Variants in FKTN observed in about 807,000 individuals in gnomAD.
FKTN encodes fukutin, also known as ribitol-5-phosphate transferase FKTN.
Under a neutral mutation model 58.6 loss-of-function variants are expected in FKTN, and 47 were observed. That is an observed-to-expected ratio of 0.80 (90% CI 0.63 to 1.02). The LOEUF is 1.02. Ranked by LOEUF, FKTN falls within the 50% of genes least tolerant of loss-of-function variation. The pLI is 0.00. For synonymous variants in FKTN, 178 were observed against 191.9 expected (o/e 0.93, Z 0.60); for missense variants, 516 against 537.3 (o/e 0.96, Z 0.39).
intron 1 of FKTN, among the ~76,000 whole-genome samples, chr9:105,572,787 C>A (rs1413272125): frequency 6.6e-6 from 1 of 152,218 alleles, no homozygotes; most frequent in Non-Finnish European, 1.5e-5. Flanking sequence ...CCCACTTGTT[C>A]TCATACACAT....
At chr9:105,568,893 T>C (rs1840206644) in intron 1 of FKTN, among the ~76,000 whole-genome samples, 2 of 152,234 alleles carry the variant, frequency 1.3e-5, no homozygotes, top group Admixed American at 6.5e-5. Flanking sequence ...CCAACCCAGA[T>C]GTCCATCAGT....
At chr9:105,575,682 A>T (rs961588089) in intron 3 of FKTN, among the ~76,000 whole-genome samples, 10 of 152,192 alleles carry the variant, frequency 6.6e-5, no homozygotes, top group African/African-American at 2.2e-4. Flanking sequence ...TATAATAATT[A>T]CTACCATCAC....
rs1834156046 is a variant in FKTN at position 105,637,937 on chromosome 9, G to A, written c.*2673G>A. 3.0e-6 allele frequency: 3 copies of A among 985,242 alleles called. No homozygotes were observed. The highest frequency in any genetic ancestry group is 3.5e-5 in the African/African-American group (2 of 57,214). The allele number at this position is 985,242 out of a possible 1,614,324, so 61.0% of individuals were successfully genotyped here. Reference sequence around the variant, plus strand: ...GCTTGGTGGGACAGCTGATTTCTTTGATTCCCTAGCTGCAAAACCTGAAAT... The same window carrying A: ...GCTTGGTGGGACAGCTGATTTCTTTAATTCCCTAGCTGCAAAACCTGAAAT... On this transcript the variant is annotated 3_prime_UTR_variant, in exon 11 of 11. Transcript: ENST00000357998.
In FKTN at chr9:105,621,619, A is replaced by T. The variant is rs571106219; in HGVS notation, c.1172+1558A>T. On this transcript the variant is annotated intron_variant, in intron 10 of 10. Coordinates refer to ENST00000357998, the MANE Select transcript of FKTN (RefSeq NM_001079802.2). ...CTTATGTATCCTTTCCGAGACAAAC[A>T]TATGCTCGTATACATATAGTATTTA... Among the ~76,000 whole-genome samples, 20 of 152,180 alleles carry T rather than the reference A, an allele frequency of 1.3e-4. No individual in the cohort carries two copies. In the South Asian group the frequency reaches 3.9e-3, roughly 30 times the overall value.
intron 5 of FKTN, among the ~76,000 whole-genome samples, chr9:105,603,431 A>C (rs1415449153): frequency 6.6e-6 from 1 of 152,222 alleles, no homozygotes; most frequent in South Asian, 2.1e-4. Context: ...AATGATTTGC[A>C]TTATGATGGT....
At chr9:105,583,764 A>C (rs1843431568) in intron 3 of FKTN, among the ~76,000 whole-genome samples, 1 of 152,174 alleles carries the variant, frequency 6.6e-6, no homozygotes, top group South Asian at 2.1e-4. Context: ...TTATGTTATA[A>C]GTAGCCCAAG....
chr9:105,562,536 G>A (rs1838494228), intron 1 of FKTN, among the ~76,000 whole-genome samples: 4 of 152,096 alleles, frequency 2.6e-5, no homozygotes, highest in Admixed American at 2.6e-4. Context: ...GTGTCCTCTG[G>A]AAAAAAGACT....
chr9:105,623,623 A>G (rs954469805), intron 10 of FKTN, among the ~76,000 whole-genome samples: 8 of 152,268 alleles, frequency 5.3e-5, no homozygotes, highest in Admixed American at 2.6e-4. Flanking sequence ...TCCTCTGTGG[A>G]CCACACTCCC....
chr9:105,565,606 A>G (rs1421145324), intron 1 of FKTN, among the ~76,000 whole-genome samples: 6 of 151,954 alleles, frequency 3.9e-5, no homozygotes, highest in African/African-American at 1.5e-4. Flanking sequence ...TAACTGTCTT[A>G]AATATATATG....
At chr9:105,570,675 T>C (rs1358947111) in intron 1 of FKTN, among the ~76,000 whole-genome samples, 1 of 152,154 alleles carries the variant, frequency 6.6e-6, no homozygotes, top group Non-Finnish European at 1.5e-5. Context: ...TATTTGTCAT[T>C]TTATCTCTAG....
At chr9:105,610,551 C>T (rs1484386898) in intron 7 of FKTN, among the ~76,000 whole-genome samples, 1 of 151,942 alleles carries the variant, frequency 6.6e-6, no homozygotes, top group African/African-American at 2.4e-5. Context: ...CCCTCCCTAC[C>T]CCCTGTTCTT....
At chr9:105,602,303 C>G (rs537241064) in intron 5 of FKTN, among the ~76,000 whole-genome samples, 1 of 152,240 alleles carries the variant, frequency 6.6e-6, no homozygotes, top group South Asian at 2.1e-4. Flanking sequence ...TGTTCTTGGC[C>G]TAGGACTCTA....
At position 105,637,186 on chromosome 9, in the gene FKTN, G is replaced by A. The variant is rs146568020; in HGVS notation, c.*1922G>A. The A allele has an allele frequency of 6.4e-5, 63 of 984,666 alleles. 1 individual carries two copies. The African/African-American group carries it at 1.0e-3, about 16-fold the overall frequency. 61.0% of individuals were successfully genotyped at this position (984,666 alleles called of 1,614,324 possible). A position where few individuals can be genotyped will look rare whatever the true frequency, so the allele number is the denominator to read the frequency against. On this transcript the variant is annotated 3_prime_UTR_variant, in exon 11 of 11. Coordinates refer to ENST00000357998, the MANE Select transcript of FKTN (RefSeq NM_001079802.2). ...TACTTGATGAGGACCATTTGCTTGT[G>A]CTCAGTATTTAGAAATGCATACACT...
At chr9:105,601,452 C>T in intron 5 of FKTN, 104 bp downstream of exon 5, 1 of 760,382 alleles carries the variant, frequency 1.3e-6, no homozygotes, top group Non-Finnish European at 2.2e-6. Flanking sequence ...TCCTGAAACA[C>T]TTTATAAATT....
intron 3 of FKTN, among the ~76,000 whole-genome samples, chr9:105,590,514 G>T (rs920875488): frequency 6.6e-6 from 1 of 152,206 alleles, no homozygotes; most frequent in African/African-American, 2.4e-5. Context: ...TTGGACAAGA[G>T]AGTTGATGGT....
chr9:105,565,214 T>C (rs1564189839), intron 1 of FKTN, among the ~76,000 whole-genome samples: 1 of 152,172 alleles, frequency 6.6e-6, no homozygotes, highest in Non-Finnish European at 1.5e-5. Context: ...CTAAAGACCA[T>C]GGATGCTAGG....
intron 4 of FKTN, among the ~76,000 whole-genome samples, chr9:105,597,890 T>C (rs1334287075): frequency 6.6e-6 from 1 of 152,114 alleles, no homozygotes; most frequent in East Asian, 1.9e-4. Flanking sequence ...CCGTAGTAGC[T>C]TCAGTTGGAT....
intron 3 of FKTN, among the ~76,000 whole-genome samples, chr9:105,582,974 A>T (rs1287416927): frequency 6.6e-6 from 1 of 152,232 alleles, no homozygotes; most frequent in Admixed American, 6.5e-5. Context: ...TTCCTGTGTT[A>T]CAGTCAAGGC....
chr9:105,636,800 T>G lies in FKTN; in HGVS notation c.*1536T>G. The G allele has an allele frequency of 8.0e-7, 1 of 1,249,620 alleles. No homozygotes were observed. Among genetic ancestry groups the G allele is most frequent in the Non-Finnish European group, 1.1e-6 (1 of 952,340 alleles). The allele number at this position is 1,249,620 out of a possible 1,614,324, so 77.4% of individuals were successfully genotyped here. ...ATGGAAACCTGAATGTCTGAGGGAATGGGCTGGTAGACTTTTTCGAAAACA... is the reference window on the plus strand; with the variant it reads ...ATGGAAACCTGAATGTCTGAGGGAAGGGGCTGGTAGACTTTTTCGAAAACA... On this transcript the variant is annotated 3_prime_UTR_variant, in exon 11 of 11. Transcript: ENST00000357998.
Sources: allele counts gnomAD v4.1 joint callset (sites outside exome capture counted in the v4.1 genomes callset), GRCh38; gene constraint gnomAD v4.1.1; transcripts MANE v1.5; gene names NCBI Gene and HGNC (gene_info 2026-07-23, HGNC 2026-07-21).